The following NKAIN3 variants were observed in gnomAD, a reference collection of about 807,000 sequenced individuals.
The protein encoded by NKAIN3 is sodium/potassium transporting ATPase interacting 3.
A neutral mutation model predicts 30.2 loss-of-function variants in NKAIN3; 25 were observed. That is an observed-to-expected ratio of 0.83 (90% CI 0.60 to 1.16). The LOEUF (loss-of-function observed/expected upper bound fraction) is 1.16. Among genes scored for constraint, NKAIN3 ranks in the 50% most tolerant of loss-of-function variants. The pLI, the probability that NKAIN3 is intolerant of heterozygous loss-of-function variation, is 0.00. For synonymous variants in NKAIN3, 91 were observed against 89.6 expected (o/e 1.02, Z -0.09); for missense variants, 225 against 254.1 (o/e 0.89, Z 0.78).
At chr8:62,363,601 A>T (rs1051750369) in intron 1 of NKAIN3, among the ~76,000 whole-genome samples, 2 of 152,192 alleles carry the variant, frequency 1.3e-5, no homozygotes, top group Non-Finnish European at 2.9e-5. Flanking sequence ...AATGATCATT[A>T]TTGGGGTCGA....
chr8:62,518,470 A>G (rs777745312), intron 1 of NKAIN3, among the ~76,000 whole-genome samples: 1 of 152,162 alleles, frequency 6.6e-6, no homozygotes, highest in African/African-American at 2.4e-5. Context: ...GCCAAGTATT[A>G]ATAGTAATAG....
chr8:62,530,964 T>G (rs1187493948), intron 1 of NKAIN3, among the ~76,000 whole-genome samples: 1 of 152,034 alleles, frequency 6.6e-6, no homozygotes, highest in East Asian at 1.9e-4. Flanking sequence ...GTTTTCAGAT[T>G]TTGCTTCAAC....
chr8:62,925,490 T>C (rs1822407802), intron 5 of NKAIN3, among the ~76,000 whole-genome samples: 1 of 152,198 alleles, frequency 6.6e-6, no homozygotes, highest in Admixed American at 6.5e-5. Context: ...GGAAATTTTC[T>C]GGAGAGAAGG....
At chr8:62,940,157 A>T (rs983800790) in intron 5 of NKAIN3, among the ~76,000 whole-genome samples, 1 of 151,820 alleles carries the variant, frequency 6.6e-6, no homozygotes, top group African/African-American at 2.4e-5. Context: ...AGTTAAAAAA[A>T]AAAAAGACAA....
At chr8:62,577,267 A>G (rs1047806434) in intron 1 of NKAIN3, among the ~76,000 whole-genome samples, 9 of 152,016 alleles carry the variant, frequency 5.9e-5, no homozygotes, top group African/African-American at 2.2e-4. Context: ...AGTGCCTTGA[A>G]TATAAAATGC....
At chr8:62,293,163 C>T (rs184247483) in intron 1 of NKAIN3, among the ~76,000 whole-genome samples, 4 of 152,078 alleles carry the variant, frequency 2.6e-5, no homozygotes, top group Non-Finnish European at 2.9e-5. Flanking sequence ...AGCTTCTTTT[C>T]GATGGGTTCG....
chr8:62,686,313 C>A (rs567914679), intron 3 of NKAIN3, among the ~76,000 whole-genome samples: 1 of 152,278 alleles, frequency 6.6e-6, no homozygotes, highest in South Asian at 2.1e-4. Flanking sequence ...ACCTATATTG[C>A]GTACTGAAAA....
At chr8:62,492,837 C>T (rs1259594530) in intron 1 of NKAIN3, among the ~76,000 whole-genome samples, 1 of 152,072 alleles carries the variant, frequency 6.6e-6, no homozygotes, top group Non-Finnish European at 1.5e-5. Flanking sequence ...AGAATTGTCA[C>T]ATTTCTTTCC....
intron 3 of NKAIN3, among the ~76,000 whole-genome samples, chr8:62,624,285 C>A (rs1373689170): frequency 6.6e-6 from 1 of 152,040 alleles, no homozygotes; most frequent in Non-Finnish European, 1.5e-5. Context: ...CCTGCCAATG[C>A]AGCCCAGTAG....
chr8:62,921,821 A>G (rs919405848), intron 5 of NKAIN3, among the ~76,000 whole-genome samples: 2 of 152,182 alleles, frequency 1.3e-5, no homozygotes, highest in Non-Finnish European at 2.9e-5. Context: ...GCTGAAAATG[A>G]ACTTGAGGAT....
chr8:62,413,910 GT>G (rs1162800573), intron 1 of NKAIN3, among the ~76,000 whole-genome samples: 1 of 151,592 alleles, frequency 6.6e-6, no homozygotes, highest in African/African-American at 2.4e-5. Context: ...ATGTGATTTT[GT>G]TTTTTTAAAC....
chr8:62,831,226 A>G (rs768197776), intron 4 of NKAIN3, among the ~76,000 whole-genome samples: 15 of 152,122 alleles, frequency 9.9e-5, no homozygotes, highest in Non-Finnish European at 1.8e-4. Flanking sequence ...AAATGAAAAA[A>G]TAAATAAATA....
intron 1 of NKAIN3, among the ~76,000 whole-genome samples, chr8:62,452,129 A>G (rs1218002867): frequency 6.6e-6 from 1 of 152,174 alleles, no homozygotes; most frequent in Non-Finnish European, 1.5e-5. Context: ...TCATAACAAT[A>G]TGCTACTTCA....
chr8:62,594,025 G>C (rs572284243), intron 3 of NKAIN3, among the ~76,000 whole-genome samples: 1 of 151,882 alleles, frequency 6.6e-6, no homozygotes, highest in African/African-American at 2.4e-5. Flanking sequence ...TTACCTTCTT[G>C]TTTAGCAAGT....
chr8:62,298,463 C>T (rs532301926), intron 1 of NKAIN3, among the ~76,000 whole-genome samples: 20 of 152,186 alleles, frequency 1.3e-4, no homozygotes, highest in African/African-American at 4.6e-4. Context: ...TACTTCCCAC[C>T]ACAGTTAAGA....
At chr8:62,994,277 G>A (rs138768053) in intron 5 of NKAIN3, among the ~76,000 whole-genome samples, 73 of 152,288 alleles carry the variant, frequency 4.8e-4, no homozygotes, top group African/African-American at 1.7e-3. Flanking sequence ...TCGTTATGCA[G>A]CTATCAGAAA....
At chr8:62,280,900 G>T (rs1813156087) in intron 1 of NKAIN3, among the ~76,000 whole-genome samples, 1 of 152,154 alleles carries the variant, frequency 6.6e-6, no homozygotes, top group South Asian at 2.1e-4. Context: ...AAATGAGTTA[G>T]GGAGGATTCC....
At chr8:62,776,410 G>A (rs1817192801) in intron 4 of NKAIN3, among the ~76,000 whole-genome samples, 1 of 151,930 alleles carries the variant, frequency 6.6e-6, no homozygotes, top group Non-Finnish European at 1.5e-5. Flanking sequence ...TCAGTGGTAT[G>A]TCTTAATTTC....
chr8:62,716,883 G>T (rs1396977220), intron 3 of NKAIN3, among the ~76,000 whole-genome samples: 1 of 152,040 alleles, frequency 6.6e-6, no homozygotes, highest in Non-Finnish European at 1.5e-5. Flanking sequence ...ATCACTTGAG[G>T]CCAGGAGTTC....
Sources: gnomAD v4.1 joint callset for allele counts (sites outside exome capture counted in the v4.1 genomes callset) on GRCh38, gnomAD v4.1.1 for gene constraint, MANE v1.5 for transcripts, NCBI Gene and HGNC (gene_info 2026-07-23, HGNC 2026-07-21) for gene names.